GPR158: variants seen among roughly 807,000 people sequenced by gnomAD.
The protein encoded by GPR158 is metabotropic glycine receptor.
In GPR158, 30 loss-of-function variants were observed where a neutral mutation model predicts 78.2. The ratio of observed to expected loss-of-function variants is 0.38; its 90% confidence interval spans 0.29 to 0.52. GPR158 has a LOEUF of 0.52. Ranked by LOEUF, GPR158 falls within the 20% of genes least tolerant of loss-of-function variation. The pLI is 0.83. For synonymous variants in GPR158, 581 were observed against 591.1 expected, an observed-to-expected ratio of 0.98 and a Z score of 0.25; for missense variants, 1,463 against 1,523.5, an observed-to-expected ratio of 0.96 and a Z score of 0.66.
chr10:25,464,357 G>A (rs574819345), intron 4 of GPR158, among the ~76,000 whole-genome samples: 26 of 152,186 alleles, frequency 1.7e-4, no homozygotes, highest in South Asian at 4.2e-4. Flanking sequence ...TCCCCCACTC[G>A]AGGCATTCAT....
chr10:25,188,362 C>A (rs1366278286), intron 1 of GPR158, among the ~76,000 whole-genome samples: 1 of 152,206 alleles, frequency 6.6e-6, no homozygotes, highest in African/African-American at 2.4e-5. Context: ...CTGGAGGCAT[C>A]ATGCCAGCTG....
chr10:25,327,940 T>C (rs1855060523), intron 2 of GPR158, among the ~76,000 whole-genome samples: 1 of 152,236 alleles, frequency 6.6e-6, no homozygotes, highest in Admixed American at 6.5e-5. Flanking sequence ...ACATTCGTTA[T>C]TGACCCTATT....
chr10:25,495,073 T>C (rs1163484072), intron 5 of GPR158, among the ~76,000 whole-genome samples: 5 of 151,768 alleles, frequency 3.3e-5, no homozygotes, highest in South Asian at 2.1e-4. Flanking sequence ...TGATTCACCG[T>C]AGAAAATTTA....
chr10:25,460,982 C>T (rs1351504089), intron 4 of GPR158, among the ~76,000 whole-genome samples: 4 of 152,158 alleles, frequency 2.6e-5, no homozygotes, highest in Non-Finnish European at 5.9e-5. Context: ...ATGCCATGAA[C>T]CGCACCCACA....
chr10:25,529,983 T>G (rs1836402178), intron 5 of GPR158, among the ~76,000 whole-genome samples: 1 of 152,218 alleles, frequency 6.6e-6, no homozygotes, highest in Admixed American at 6.5e-5. Flanking sequence ...CTACTGGCCT[T>G]TCGTATCTTA....
At chr10:25,338,496 C>A (rs144682664) in intron 2 of GPR158, among the ~76,000 whole-genome samples, 2 of 125,902 alleles carry the variant, frequency 1.6e-5, no homozygotes, top group South Asian at 2.3e-4. Context: ...GTATAATATA[C>A]GTATATATAT....
At chr10:25,539,597 C>A (rs1262431306) in intron 5 of GPR158, among the ~76,000 whole-genome samples, 2 of 150,330 alleles carry the variant, frequency 1.3e-5, no homozygotes, top group African/African-American at 4.9e-5. Context: ...TACAGCATAG[C>A]ATCTGCTGCC....
At chr10:25,577,565 G>C (rs1023810356) in intron 7 of GPR158, among the ~76,000 whole-genome samples, 3 of 152,158 alleles carry the variant, frequency 2.0e-5, no homozygotes, top group African/African-American at 7.2e-5. Flanking sequence ...CTGAAGTAGA[G>C]CTCTGGCTAG....
At chr10:25,260,131 CTG>C (rs1381506789) in intron 2 of GPR158, among the ~76,000 whole-genome samples, 1 of 152,056 alleles carries the variant, frequency 6.6e-6, no homozygotes, top group African/African-American at 2.4e-5. Flanking sequence ...AACGAGGTAA[CTG>C]TTTGACTACG....
intron 2 of GPR158, among the ~76,000 whole-genome samples, chr10:25,365,092 A>G (rs1336801059): frequency 1.3e-5 from 2 of 151,826 alleles, no homozygotes; most frequent in Non-Finnish European, 2.9e-5. Flanking sequence ...ATTTTGGAAA[A>G]CATTATTTTG....
chr10:25,287,550 T>C (rs1416850045), intron 2 of GPR158, among the ~76,000 whole-genome samples: 2 of 152,170 alleles, frequency 1.3e-5, no homozygotes, highest in Admixed American at 6.5e-5. Context: ...CTCCCTTTTA[T>C]ATGTGGCTCG....
chr10:25,225,217 C>G lies in GPR158; in HGVS notation c.1008+4060C>G, dbSNP rs1317038942. 2.9e-5 allele frequency among the ~76,000 whole-genome samples: 4 copies of G among 139,156 alleles called. No homozygotes were observed. In the East Asian group the frequency reaches 8.1e-4, roughly 28 times the overall value. 91.3% of individuals were successfully genotyped at this position (139,156 alleles called of 152,430 possible). On this transcript the variant is annotated intron_variant, in intron 2 of 10. Transcript: ENST00000376351. ...TTTTTTTGTATAAAGCAATGTATAA[C>G]CCATCTTTAAGCTCAGAAGTGAGCA...
chr10:25,292,688 T>C (rs566579342), intron 2 of GPR158, among the ~76,000 whole-genome samples: 189 of 152,234 alleles, frequency 1.2e-3, no homozygotes, highest in Middle Eastern at 6.8e-3. Context: ...AAGCCTAAAT[T>C]GTACAAAGTT....
chr10:25,465,460 G>C (rs1835408957), intron 4 of GPR158, among the ~76,000 whole-genome samples: 1 of 152,162 alleles, frequency 6.6e-6, no homozygotes, highest in African/African-American at 2.4e-5. Context: ...TTTGCTTGGA[G>C]AAGATAATGC....
intron 1 of GPR158, among the ~76,000 whole-genome samples, chr10:25,178,345 A>G (rs1852568639): frequency 6.6e-6 from 1 of 152,192 alleles, no homozygotes; most frequent in Non-Finnish European, 1.5e-5. Context: ...TAAACAATGT[A>G]GGTACTGTGT....
Position 25,221,132 on chromosome 10 carries a change from A to G in GPR158, c.983A>G (p.His328Arg), listed in dbSNP as rs1284784896. Reference sequence around the variant, plus strand: ...AGTGATGGCTGGTTTTCAGGAACTCATAAATGCCACCTCAACAATTCAGAG... The same window carrying G: ...AGTGATGGCTGGTTTTCAGGAACTCGTAAATGCCACCTCAACAATTCAGAG... ...CSSDGWFSGTHKCHLNNSECM... is the reference protein window; with the variant it reads ...CSSDGWFSGTRKCHLNNSECM... Residue 328 changes from histidine to arginine, a missense_variant, in exon 2 of 11, where the codon CAT becomes CGT. By Grantham distance (29) the His-to-Arg change is conservative. Coordinates refer to ENST00000376351, the MANE Select transcript of GPR158 (RefSeq NM_020752.3). The G allele has an allele frequency of 6.3e-7, 1 of 1,575,350 alleles. No individual in the cohort carries two copies. The highest frequency in any genetic ancestry group is 8.7e-7 in the Non-Finnish European group (1 of 1,145,490).
intron 7 of GPR158, among the ~76,000 whole-genome samples, chr10:25,578,925 C>T (rs968177877): frequency 6.6e-5 from 10 of 152,014 alleles, no homozygotes; most frequent in Non-Finnish European, 1.5e-4. Context: ...AGGAGAATGG[C>T]GTGAACCTGG....
Position 25,515,560 on chromosome 10 carries a change from C to G in GPR158, c.1405-35416C>G, listed in dbSNP as rs1322155188. Among the ~76,000 whole-genome samples the G allele has an allele frequency of 7.3e-3, 948 of 129,212 alleles. 13 individuals carry two copies. Among genetic ancestry groups the G allele is most frequent in the African/African-American group, 0.027 (900 of 33,896 alleles). The allele number at this position is 129,212 out of a possible 152,430, so 84.8% of individuals were successfully genotyped here. ...ACAGTCCCCAGAGTGTGATATTCCC[C>G]TTCCTGTGTCCATGTGATCTCATTG... On this transcript the variant is annotated intron_variant, in intron 5 of 10. Transcript: ENST00000376351.
chr10:25,558,340 T>C (rs1438171201), intron 6 of GPR158, among the ~76,000 whole-genome samples: 1 of 152,348 alleles, frequency 6.6e-6, no homozygotes, highest in East Asian at 1.9e-4. Context: ...ATATTCTTCG[T>C]TAGCAACTCT....
Sources: allele counts gnomAD v4.1 joint callset (sites outside exome capture counted in the v4.1 genomes callset), GRCh38; gene constraint gnomAD v4.1.1; transcripts MANE v1.5; gene names NCBI Gene and HGNC (gene_info 2026-07-23, HGNC 2026-07-21).